The following NIPBL variants were observed in gnomAD, a reference collection of about 807,000 sequenced individuals.
The protein encoded by NIPBL is nipped-B-like protein.
In NIPBL, 19 loss-of-function variants were observed where a neutral mutation model predicts 321.8. The ratio of observed to expected loss-of-function variants is 0.06; its 90% confidence interval spans 0.04 to 0.09. The LOEUF (loss-of-function observed/expected upper bound fraction) is 0.09, where lower values mean the gene tolerates loss of function less well. Ranked by LOEUF, NIPBL falls within the 10% of genes least tolerant of loss-of-function variation. The pLI is 1.00. For missense variants in NIPBL, 2,210 were observed against 3,327.0 expected, an observed-to-expected ratio of 0.66 and a Z score of 8.26; for synonymous variants, 1,106 against 1,114.1, an observed-to-expected ratio of 0.99 and a Z score of 0.14.
chr5:37,018,006 C>T (rs1403688614), intron 24 of NIPBL, among the ~76,000 whole-genome samples: 1 of 152,044 alleles, frequency 6.6e-6, no homozygotes, highest in African/African-American at 2.4e-5. Context: ...TCCCTCATTA[C>T]CCCTGAATTC....
At chr5:37,048,473 TATG>T in intron 38 of NIPBL, 26 bp from the exon 39 acceptor site, 4 of 1,404,234 alleles carry the variant, frequency 2.8e-6, no homozygotes, top group Non-Finnish European at 2.9e-6. Flanking sequence ...AATATGAATA[TATG>T]ATGAGATTTT....
chr5:37,010,497 G>T (rs1040399100), intron 21 of NIPBL, among the ~76,000 whole-genome samples: 3 of 152,008 alleles, frequency 2.0e-5, no homozygotes, highest in African/African-American at 7.2e-5. Context: ...TGTATTTTTA[G>T]TAGAGACGGG....
chr5:36,915,259 G>A (rs1301381671), intron 1 of NIPBL, among the ~76,000 whole-genome samples: 3 of 151,910 alleles, frequency 2.0e-5, no homozygotes, highest in Admixed American at 2.0e-4. Flanking sequence ...TCTAAGATAT[G>A]GCACTACAAT....
chr5:36,956,002 A>G (rs1173308724), intron 3 of NIPBL, among the ~76,000 whole-genome samples: 1 of 151,448 alleles, frequency 6.6e-6, no homozygotes, highest in Non-Finnish European at 1.5e-5. Context: ...CAGGTGGATC[A>G]CGAGATCAAG....
intron 1 of NIPBL, among the ~76,000 whole-genome samples, chr5:36,888,557 T>C (rs1561349931): frequency 6.6e-6 from 1 of 152,166 alleles, no homozygotes; most frequent in Non-Finnish European, 1.5e-5. Context: ...ATTTTCACTT[T>C]TATTGCAAAC....
At chr5:36,932,452 A>G (rs1207012318) in intron 1 of NIPBL, among the ~76,000 whole-genome samples, 1 of 151,868 alleles carries the variant, frequency 6.6e-6, no homozygotes, top group East Asian at 1.9e-4. Context: ...CTTTTTCTTT[A>G]TTACTATTTA....
intron 1 of NIPBL, among the ~76,000 whole-genome samples, chr5:36,937,363 A>G (rs962996561): frequency 6.6e-6 from 1 of 152,162 alleles, no homozygotes; most frequent in Non-Finnish European, 1.5e-5. Context: ...TCTAACACCC[A>G]ATTTTGAGAA....
chr5:37,034,053 G>A (rs1189296778), intron 32 of NIPBL, among the ~76,000 whole-genome samples: 1 of 151,862 alleles, frequency 6.6e-6, no homozygotes, highest in East Asian at 1.9e-4. Flanking sequence ...CAAAACCAGT[G>A]TAAGTCAAGA....
intron 1 of NIPBL, among the ~76,000 whole-genome samples, chr5:36,906,508 A>C (rs1459521680): frequency 1.3e-5 from 2 of 152,112 alleles, no homozygotes; most frequent in African/African-American, 4.8e-5. Context: ...CTATCAAACT[A>C]CTAATGTCTT....
At chr5:36,904,146 G>A (rs1056251920) in intron 1 of NIPBL, among the ~76,000 whole-genome samples, 15 of 152,170 alleles carry the variant, frequency 9.9e-5, no homozygotes, top group African/African-American at 3.4e-4. Context: ...TAAATATTTA[G>A]TGTACTGTAG....
At chr5:37,003,511 TTTA>T (rs1421964841) in intron 16 of NIPBL, among the ~76,000 whole-genome samples, 164 bp downstream of exon 16, 6 of 152,196 alleles carry the variant, frequency 3.9e-5, no homozygotes, top group African/African-American at 1.4e-4. Flanking sequence ...TGTTCTGTTT[TTTA>T]TTGTCATTAA....
chr5:36,920,902 T>G (rs962884026), intron 1 of NIPBL, among the ~76,000 whole-genome samples: 1 of 152,032 alleles, frequency 6.6e-6, no homozygotes, highest in Admixed American at 6.6e-5. Flanking sequence ...GTTGTCACTT[T>G]CTTCTACATT....
intron 32 of NIPBL, among the ~76,000 whole-genome samples, chr5:37,033,957 A>G (rs1666950326): frequency 6.6e-6 from 1 of 151,834 alleles, no homozygotes; most frequent in Admixed American, 6.6e-5. Flanking sequence ...AAGTGAAAAT[A>G]CAAGTCACAA....
At position 36,995,915 on chromosome 5, in the gene NIPBL, A is replaced by C. The variant is rs1267633541; in HGVS notation, c.3304+111A>C. 4.4e-6 allele frequency: 4 copies of C among 909,098 alleles called. No homozygotes were observed. In the African/African-American group the frequency reaches 6.7e-5, roughly 15 times the overall value. 56.3% of individuals were successfully genotyped at this position (909,098 alleles called of 1,614,324 possible). On this transcript the variant is annotated intron_variant, in intron 11 of 46. Coordinates refer to ENST00000282516, the MANE Select transcript of NIPBL (RefSeq NM_133433.4). ...CAAAAGCACAGTCACCTTAATTCTT[A>C]ATAACACAGTATAGTAAGTTTTTTT...
rs148265007 is a variant in NIPBL at position 37,031,926 on chromosome 5, G to A, written c.5863-4453G>A. On this transcript the variant is annotated intron_variant, in intron 32 of 46. Coordinates refer to ENST00000282516, the MANE Select transcript of NIPBL (RefSeq NM_133433.4). ...TAATCTATACTGGAAAAAATCAGAA[G>A]AGTGGCTGCAGGGAGCTGGGGATTG... Among the ~76,000 whole-genome samples the A allele has an allele frequency of 2.1e-3, 317 of 152,264 alleles. 2 individuals carry two copies. Among genetic ancestry groups the A allele is most frequent in the African/African-American group, 7.4e-3 (309 of 41,562 alleles).
At chr5:37,006,190 C>T (rs1162975567) in intron 16 of NIPBL, among the ~76,000 whole-genome samples, 167 bp from the exon 17 acceptor site, 3 of 151,926 alleles carry the variant, frequency 2.0e-5, no homozygotes, top group South Asian at 2.1e-4. Context: ...AAACACAAAT[C>T]GTGCTCAAAG....
chr5:36,950,636 A>G (rs1237782436), intron 1 of NIPBL, among the ~76,000 whole-genome samples: 2 of 152,110 alleles, frequency 1.3e-5, no homozygotes, highest in African/African-American at 2.4e-5. Context: ...ATTGTAAAGC[A>G]CTACCTTAAG....
At chr5:36,923,268 T>C (rs1224631876) in intron 1 of NIPBL, among the ~76,000 whole-genome samples, 1 of 152,092 alleles carries the variant, frequency 6.6e-6, no homozygotes, top group Non-Finnish European at 1.5e-5. Context: ...ATCACACCAC[T>C]GCACTCCAGC....
Position 37,045,495 on chromosome 5 carries a change from A to C in NIPBL, c.6396A>C (p.Ser2132=). The C allele has an allele frequency of 6.2e-7, 1 of 1,614,044 alleles. No homozygotes were observed. ...ACCAAGAGGACCCAAATAACACTTC[A>C]CTTCTAACAAACAAACCAGCACTTC... ...SQHQEDPNNT[S]LLTNKPALLR... Residue 2132 remains serine, a synonymous_variant, in exon 37 of 47, where the codon TCA becomes TCC. Transcript: ENST00000282516.
Sources: allele counts gnomAD v4.1 joint callset (sites outside exome capture counted in the v4.1 genomes callset), GRCh38; gene constraint gnomAD v4.1.1; transcripts MANE v1.5; gene names NCBI Gene and HGNC (gene_info 2026-07-23, HGNC 2026-07-21).